NEURL1: variants seen among roughly 807,000 people sequenced by gnomAD.
The protein encoded by NEURL1 is E3 ubiquitin-protein ligase NEURL1.
A neutral mutation model predicts 41.2 loss-of-function variants in NEURL1; 26 were observed. That is an observed-to-expected ratio of 0.63 (90% CI 0.46 to 0.87). The LOEUF (loss-of-function observed/expected upper bound fraction) is 0.87. Among genes scored for constraint, NEURL1 ranks in the 40% least tolerant of loss-of-function variants. The probability of loss-of-function intolerance (pLI) is 0.00; values close to 1 mark genes in which losing one functional copy is unlikely to be tolerated. For missense variants in NEURL1, 761 were observed against 871.1 expected (o/e 0.87, Z 1.59); for synonymous variants, 400 against 402.3 (o/e 0.99, Z 0.07).
chr10:103,576,470 C>G (rs1188096089), intron 3 of NEURL1, among the ~76,000 whole-genome samples: 1 of 152,078 alleles, frequency 6.6e-6, no homozygotes, highest in Admixed American at 6.5e-5. Context: ...GGGAGAGAGC[C>G]ATGAGAGCTG....
chr10:103,586,823 T>G (rs559314722), intron 4 of NEURL1, among the ~76,000 whole-genome samples: 1 of 152,262 alleles, frequency 6.6e-6, no homozygotes, highest in South Asian at 2.1e-4. Flanking sequence ...CCGAGGCAGA[T>G]GTATTGCTTG....
intron 1 of NEURL1, chr10:103,555,338 C>T (rs1210222198): frequency 3.1e-6 from 4 of 1,303,768 alleles, no homozygotes; most frequent in East Asian, 5.8e-5. Flanking sequence ...GGTGACCAGC[C>T]GGCCGGCCCA....
chr10:103,588,318 AAAAG>A (rs1307191829), intron 4 of NEURL1, among the ~76,000 whole-genome samples: 5 of 151,166 alleles, frequency 3.3e-5, no homozygotes, highest in South Asian at 4.2e-4. Context: ...AAAAAAAAAA[AAAAG>A]AAAGCTCATG....
In NEURL1 at chr10:103,558,030, C is replaced by T; in HGVS notation, c.86-12842C>T. On this transcript the variant is annotated intron_variant, in intron 1 of 5. Transcript: ENST00000369780. The surrounding 1 kb of genome is among the most constrained non-coding windows in gnomAD (Gnocchi z 4.2). ...AGTAGCTGGGATCACAGGCACCCACCACCATGCCCGGCTAATTTTTTGTAT... is the reference window on the plus strand; with the variant it reads ...AGTAGCTGGGATCACAGGCACCCACTACCATGCCCGGCTAATTTTTTGTAT... 1 of 205,950 alleles carries T rather than the reference C, an allele frequency of 4.9e-6. No homozygotes were observed. The highest frequency in any genetic ancestry group is 8.5e-6 in the Non-Finnish European group (1 of 117,286). 12.8% of individuals were successfully genotyped at this position (205,950 alleles called of 1,614,324 possible).
At chr10:103,575,629 C>A (rs1303306363) in intron 3 of NEURL1, among the ~76,000 whole-genome samples, 1 of 149,132 alleles carries the variant, frequency 6.7e-6, no homozygotes, top group Admixed American at 6.6e-5. Context: ...TGGCCAGAAT[C>A]CAAGCCCACA....
chr10:103,505,890 C>CAGA (rs1564803705), intron 1 of NEURL1, among the ~76,000 whole-genome samples: 1 of 152,226 alleles, frequency 6.6e-6, no homozygotes, highest in East Asian at 1.9e-4. Context: ...CCTTGCCTCT[C>CAGA]AGAGGTGTCC....
chr10:103,509,602 C>A (rs2034025317), intron 1 of NEURL1, among the ~76,000 whole-genome samples: 1 of 152,194 alleles, frequency 6.6e-6, no homozygotes, highest in South Asian at 2.1e-4. Flanking sequence ...CTTATGGGAT[C>A]ACTGTCTTAT....
chr10:103,523,860 G>A (rs1435869730), intron 1 of NEURL1, among the ~76,000 whole-genome samples: 1 of 152,122 alleles, frequency 6.6e-6, no homozygotes, highest in East Asian at 1.9e-4. Context: ...CGACACTTAG[G>A]TTGATTTCAT....
At chr10:103,539,017 G>T (rs1337066570) in intron 1 of NEURL1, among the ~76,000 whole-genome samples, 1 of 150,648 alleles carries the variant, frequency 6.6e-6, no homozygotes, top group Non-Finnish European at 1.5e-5. Context: ...TACAATCATG[G>T]CTCACTGTAG....
At position 103,584,844 on chromosome 10, in the gene NEURL1, C is replaced by G; in HGVS notation, c.958C>G (p.Arg320Gly). 7.1e-7 allele frequency: 1 copy of G among 1,407,958 alleles called. No homozygotes were observed. The highest frequency in any genetic ancestry group is 9.2e-7 in the Non-Finnish European group (1 of 1,090,514). The allele number at this position is 1,407,958 out of a possible 1,614,324, so 87.2% of individuals were successfully genotyped here. The part of the protein sequence containing the change: ...EQTVARVEHG[R>G]DERALVFTSR... ...GACGGTGGCGCGCGTGGAGCACGGG[C>G]GCGACGAGCGCGCGCTCGTCTTCAC... Residue 320 changes from arginine (R) to glycine (G), a missense_variant, in exon 4 of 6, where the codon CGC becomes GGC. By Grantham distance (125) the Arg-to-Gly change is moderately radical (BLOSUM62 -2). Transcript: ENST00000369780.
At chr10:103,569,048 C>T (rs1045869600) in intron 1 of NEURL1, among the ~76,000 whole-genome samples, 2 of 152,230 alleles carry the variant, frequency 1.3e-5, no homozygotes, top group African/African-American at 4.8e-5. Context: ...CTCCTGACCT[C>T]AGGTAATCCA....
chr10:103,564,515 C>T (rs1026639829), intron 1 of NEURL1, among the ~76,000 whole-genome samples: 2 of 152,194 alleles, frequency 1.3e-5, no homozygotes, highest in African/African-American at 4.8e-5. Flanking sequence ...CAGCCTTCCC[C>T]GAATTGCCTG....
chr10:103,508,842 A>G lies in NEURL1; in HGVS notation c.85+14370A>G, dbSNP rs1236285876. On this transcript the variant is annotated intron_variant, in intron 1 of 5. Transcript: ENST00000369780. The surrounding 1 kb of genome is among the most constrained non-coding windows in gnomAD (Gnocchi z 4.3). Reference sequence around the variant, plus strand: ...CTCCTTCACAGCAAAATGTGAAAGAAGCTGTTTTAGGGATCTTGGGTTTCC... The same window carrying G: ...CTCCTTCACAGCAAAATGTGAAAGAGGCTGTTTTAGGGATCTTGGGTTTCC... 2.6e-5 allele frequency among the ~76,000 whole-genome samples: 4 copies of G among 152,178 alleles called. No homozygotes were observed. The highest frequency in any genetic ancestry group is 2.6e-4 in the Admixed American group (4 of 15,278).
In NEURL1 at chr10:103,571,095, C is replaced by T. The variant is rs148226017; in HGVS notation, c.309C>T (p.Tyr103=). The change falls in exon 2 of 6, where the codon TAC becomes TAT. Residue 103 remains tyrosine, a synonymous_variant. Transcript: ENST00000369780. ...TCAGCAACCGCCCGGTCCTCATCTACGAGCAAGTCAGGCTGAAGGTGGGCC... is the reference window on the plus strand; with the variant it reads ...TCAGCAACCGCCCGGTCCTCATCTATGAGCAAGTCAGGCTGAAGGTGGGCC... ...ITFSNRPVLI[Y]EQVRLKITKK... 1.4e-3 allele frequency: 2,320 copies of T among 1,613,564 alleles called. No homozygotes were observed. Among genetic ancestry groups the T allele is most frequent in the Non-Finnish European group, 1.7e-3 (2,047 of 1,179,970 alleles).
chr10:103,585,345 C>T, intron 4 of NEURL1, 120 bp downstream of exon 4: 1 of 934,054 alleles, frequency 1.1e-6, no homozygotes, highest in Non-Finnish European at 1.5e-6. Context: ...TAAGGAATCA[C>T]AGACACCTAA....
At chr10:103,584,483 C>A in intron 3 of NEURL1, 53 bp from the exon 4 acceptor site, 1 of 1,217,594 alleles carries the variant, frequency 8.2e-7, no homozygotes, top group Non-Finnish European at 1.0e-6. Context: ...CGGGGCGCGC[C>A]GGGGCCGCCT....
At chr10:103,528,077 C>T (rs766951179) in intron 1 of NEURL1, among the ~76,000 whole-genome samples, 5 of 151,974 alleles carry the variant, frequency 3.3e-5, no homozygotes, top group Admixed American at 6.6e-5. Flanking sequence ...AAAATTAGGC[C>T]AGGCACGTTG....
intron 1 of NEURL1, among the ~76,000 whole-genome samples, chr10:103,537,230 G>A (rs900159763): frequency 6.6e-5 from 10 of 152,158 alleles, no homozygotes; most frequent in Non-Finnish European, 1.0e-4. Flanking sequence ...ATGAACATGG[G>A]TTTATGAATT....
At chr10:103,531,493 G>T (rs1247189262) in intron 1 of NEURL1, among the ~76,000 whole-genome samples, 2 of 151,462 alleles carry the variant, frequency 1.3e-5, no homozygotes, top group Non-Finnish European at 2.9e-5. Flanking sequence ...TCCTGCTGTG[G>T]CCTTCCAAAG....
Sources: allele counts gnomAD v4.1 joint callset (sites outside exome capture counted in the v4.1 genomes callset), GRCh38; gene constraint gnomAD v4.1.1; non-coding constraint Gnocchi (gnomAD v3.1); transcripts MANE v1.5; gene names NCBI Gene and HGNC (gene_info 2026-07-23, HGNC 2026-07-21).